Variants in ZNF638 observed in about 807,000 individuals in gnomAD.
ZNF638 encodes zinc finger protein 638.
In ZNF638, 46 loss-of-function variants were observed where a neutral mutation model predicts 195.6. That is an observed-to-expected ratio of 0.24 (90% CI 0.19 to 0.30). The LOEUF (loss-of-function observed/expected upper bound fraction) is 0.30. ZNF638 is among the 10% of genes least tolerant of loss of function. The pLI, the probability that ZNF638 is intolerant of heterozygous loss-of-function variation, is 1.00. For synonymous variants in ZNF638, 845 were observed against 772.0 expected, an observed-to-expected ratio of 1.09 and a Z score of -1.57; for missense variants, 2,440 against 2,325.3, an observed-to-expected ratio of 1.05 and a Z score of -1.01.
chr2:71,377,102 A>G (rs2079443698), intron 8 of ZNF638, among the ~76,000 whole-genome samples: 1 of 152,068 alleles, frequency 6.6e-6, no homozygotes, highest in African/African-American at 2.4e-5. Context: ...GTGAGCTCTT[A>G]TCTCTTCAAA....
At chr2:71,396,480 G>T (rs1292157866) in intron 11 of ZNF638, among the ~76,000 whole-genome samples, 1 of 151,838 alleles carries the variant, frequency 6.6e-6, no homozygotes, top group Non-Finnish European at 1.5e-5. Context: ...TTATATAATA[G>T]TTCAATAAAT....
rs369733629 is a variant in ZNF638, at chr2:71,424,685, C to T, written c.4560C>T (p.Ser1520=). The part of the protein sequence containing the change: ...LAEQNTKNPK[S]TTGRSSKSKE... ...AGCAAAACACTAAGAATCCTAAAAG[C>T]ACTACTGGTAGAAGTTCCAAATCTA... is the stretch of plus-strand genomic sequence containing the variant. Residue 1520 remains serine, a synonymous_variant, in exon 23 of 28, where the codon AGC becomes AGT. Coordinates refer to ENST00000264447, the MANE Select transcript of ZNF638 (RefSeq NM_014497.5). 65 of 1,612,972 alleles carry T rather than the reference C, an allele frequency of 4.0e-5. No individual in the cohort carries two copies. The highest frequency in any genetic ancestry group is 5.5e-5 in the Non-Finnish European group (65 of 1,179,680).
chr2:71,380,618 T>C, intron 10 of ZNF638, 53 bp downstream of exon 10: 1 of 1,433,146 alleles, frequency 7.0e-7, no homozygotes, highest in Non-Finnish European at 9.6e-7. Flanking sequence ...GTCAGTTTAG[T>C]AGAAACTTAG....
chr2:71,373,675 C>T (rs2079362479), intron 8 of ZNF638, among the ~76,000 whole-genome samples: 1 of 151,906 alleles, frequency 6.6e-6, no homozygotes, highest in African/African-American at 2.4e-5. Flanking sequence ...GCCTCGGCCT[C>T]TGAAAGTGCT....
At chr2:71,414,783 G>A (rs1334503388) in intron 20 of ZNF638, among the ~76,000 whole-genome samples, 6 of 116,728 alleles carry the variant, frequency 5.1e-5, no homozygotes, top group East Asian at 2.8e-4. Context: ...GTAGTTGAGC[G>A]GTTTTGAGTG....
At chr2:71,424,843 A>G (rs1255678067) in intron 23 of ZNF638, 128 bp downstream of exon 23, 2 of 695,448 alleles carry the variant, frequency 2.9e-6, no homozygotes, top group African/African-American at 3.7e-5. Context: ...TAGGAATGAG[A>G]TGTTTTGTTT....
intron 20 of ZNF638, among the ~76,000 whole-genome samples, chr2:71,410,973 A>ACCC (rs1558876322): frequency 4.6e-4 from 23 of 49,642 alleles, no homozygotes; most frequent in African/African-American, 1.0e-3. Context: ...TTTTCTCCCC[A>ACCC]CCCACCACCT....
chr2:71,368,297 G>T, intron 6 of ZNF638, 85 bp from the exon 7 acceptor site: 1 of 1,317,920 alleles, frequency 7.6e-7, no homozygotes, highest in Non-Finnish European at 1.0e-6. Flanking sequence ...TAATATTAGT[G>T]GTAGAAGAAA....
Position 71,420,003 on chromosome 2 carries a change from T to A in ZNF638, c.3299+1364T>A, listed in dbSNP as rs936832372. Among the ~76,000 whole-genome samples the A allele has an allele frequency of 2.3e-3, 278 of 121,364 alleles. 1 individual carries two copies. The highest frequency in any genetic ancestry group is 4.7e-3 in the African/African-American group (144 of 30,710). 79.6% of individuals were successfully genotyped at this position (121,364 alleles called of 152,430 possible). On this transcript the variant is annotated intron_variant, in intron 21 of 27. Transcript: ENST00000264447. ...TTTTTTTTTTTTTTTTTTTTTTTTT[T>A]AACATTAGAGAAAAAGATGTGGGAT...
At chr2:71,411,474 A>ATTTTTT (rs537942317) in intron 20 of ZNF638, among the ~76,000 whole-genome samples, 7 of 122,762 alleles carry the variant, frequency 5.7e-5, no homozygotes, top group South Asian at 2.7e-4. Flanking sequence ...TTTATTTTTA[A>ATTTTTT]TTTTTTTTTT....
intron 10 of ZNF638, among the ~76,000 whole-genome samples, chr2:71,382,629 G>C (rs2079553475): frequency 6.6e-6 from 1 of 152,204 alleles, no homozygotes; most frequent in Admixed American, 6.5e-5. Flanking sequence ...GCCCATGATA[G>C]GGGGCACTTT....
intron 10 of ZNF638, chr2:71,388,525 C>T (rs572118361): frequency 3.5e-5 from 25 of 713,196 alleles, no homozygotes; most frequent in African/African-American, 1.0e-4. Context: ...ATTGGGGCTG[C>T]GTTCTCTCTT....
chr2:71,395,235 T>A (rs1379593775), intron 10 of ZNF638: 1 of 717,360 alleles, frequency 1.4e-6, no homozygotes, highest in Admixed American at 2.0e-5. Flanking sequence ...TTATGTTATT[T>A]ACTAATTCTA....
At chr2:71,343,521 T>A (rs914834815) in intron 1 of ZNF638, among the ~76,000 whole-genome samples, 1 of 152,154 alleles carries the variant, frequency 6.6e-6, no homozygotes, top group East Asian at 1.9e-4. Flanking sequence ...AAATCAGTGT[T>A]TAGCAAAATT....
intron 3 of ZNF638, among the ~76,000 whole-genome samples, chr2:71,362,421 A>G (rs76085369): frequency 0.058 from 8,837 of 152,070 alleles, 974 homozygotes; most frequent in East Asian, 0.56. Flanking sequence ...TTCTCTTACA[A>G]ATGTTCGTTA....
intron 6 of ZNF638, among the ~76,000 whole-genome samples, chr2:71,366,378 G>T (rs991377020): frequency 6.6e-6 from 1 of 151,438 alleles, no homozygotes; most frequent in African/African-American, 2.4e-5. Flanking sequence ...AAAAAAAAAT[G>T]AAGTTGTCTT....
Position 71,348,812 on chromosome 2 carries a change from C to T in ZNF638, c.-143C>T. 6.3e-7 allele frequency: 1 copy of T among 1,587,944 alleles called. No homozygotes were observed. The highest frequency in any genetic ancestry group is 8.5e-7 in the Non-Finnish European group (1 of 1,170,676). On this transcript the variant is annotated 5_prime_UTR_variant, in exon 2 of 28. Transcript: ENST00000264447. ...GTGAATTCCTTGAACCTGGGCATTG[C>T]AAACCCACTTCTGTTGGGCCCATCT...
At chr2:71,403,682 C>A (rs1445229735) in intron 16 of ZNF638, among the ~76,000 whole-genome samples, 188 bp from the exon 17 acceptor site, 1 of 151,960 alleles carries the variant, frequency 6.6e-6, no homozygotes, top group Non-Finnish European at 1.5e-5. Flanking sequence ...TTATTTCTTG[C>A]TTATGGTTGT....
At chr2:71,382,483 A>G (rs2670719) in intron 10 of ZNF638, among the ~76,000 whole-genome samples, 139,669 of 152,182 alleles carry the variant, frequency 0.92, 64,158 homozygotes, top group African/African-American at 0.93. Context: ...AGTTAATTAG[A>G]GCAGTTTTAA....
Sources: gnomAD v4.1 joint callset for allele counts (sites outside exome capture counted in the v4.1 genomes callset) on GRCh38, gnomAD v4.1.1 for gene constraint, MANE v1.5 for transcripts, NCBI Gene and HGNC (gene_info 2026-07-23, HGNC 2026-07-21) for gene names.